Variants in PRDM16 observed in about 807,000 individuals in gnomAD.
The protein encoded by PRDM16 is PR/SET domain 16.
Under a neutral mutation model 110.6 loss-of-function variants are expected in PRDM16, and 23 were observed. The ratio of observed to expected loss-of-function variants is 0.21; its 90% CI spans 0.15 to 0.29. The LOEUF is 0.29. Among genes scored for constraint, PRDM16 ranks in the 10% least tolerant of loss-of-function variants. The probability of loss-of-function intolerance (pLI) is 1.00; values close to 1 mark genes in which losing one functional copy is unlikely to be tolerated. For missense variants in PRDM16, 1,615 were observed against 1,794.3 expected (o/e 0.90, Z 1.81); for synonymous variants, 799 against 781.8 (o/e 1.02, Z -0.37).
intron 3 of PRDM16, among the ~76,000 whole-genome samples, chr1:3,321,984 G>T (rs918886234): frequency 3.0e-4 from 46 of 151,814 alleles, no homozygotes; most frequent in Middle Eastern, 3.4e-3. Flanking sequence ...TTGTGTGGGG[G>T]TGCATGTGTG....
In PRDM16 at chr1:3,425,575, T is replaced by C. The variant is rs1410876735; in HGVS notation, c.2940-6T>C. On this transcript the variant is annotated splice_region_variant and splice_polypyrimidine_tract_variant and intron_variant, in intron 12 of 16. Transcript: ENST00000270722. This position sits in a 1 kb window ranked among gnomAD's most constrained non-coding sequence, Gnocchi z 6.9. ...CTGCACTGAGGAGCGCGTGTGCCCC[T>C]TCCAGGTGTAAGTACTGCGACCGCT... 1.2e-6 allele frequency: 2 copies of C among 1,613,366 alleles called. No homozygotes were observed. Among genetic ancestry groups the C allele is most frequent in the Non-Finnish European group, 8.5e-7 (1 of 1,179,740 alleles).
chr1:3,231,512 G>A (rs1639415480), intron 2 of PRDM16, among the ~76,000 whole-genome samples: 1 of 131,040 alleles, frequency 7.6e-6, no homozygotes, highest in South Asian at 2.3e-4. Flanking sequence ...GGGGATGCGG[G>A]GGTCGAGAGG....
chr1:3,159,838 C>A (rs144826835), intron 1 of PRDM16, among the ~76,000 whole-genome samples: 1 of 152,130 alleles, frequency 6.6e-6, no homozygotes, highest in African/African-American at 2.4e-5. Flanking sequence ...TGGGCTCAGG[C>A]GAAAGGAGTG....
intron 3 of PRDM16, among the ~76,000 whole-genome samples, chr1:3,263,872 T>C (rs1014661498): frequency 6.6e-6 from 1 of 152,200 alleles, no homozygotes; most frequent in African/African-American, 2.4e-5. Flanking sequence ...CACTCACTCC[T>C]TTGTTTCTGT....
chr1:3,146,773 GTGCACA>G (rs1643669482), intron 1 of PRDM16, among the ~76,000 whole-genome samples: 1 of 146,730 alleles, frequency 6.8e-6, no homozygotes, highest in African/African-American at 2.5e-5. Flanking sequence ...GGGGGTGTGT[GTGCACA>G]TGTGTGCTCG....
rs80134843 is a variant in PRDM16, at chr1:3,382,972, C to T, written c.439-2180C>T. Among the ~76,000 whole-genome samples the T allele has an allele frequency of 0.025, 3,874 of 152,328 alleles. 133 individuals are homozygous for T. Among genetic ancestry groups the T allele is most frequent in the African/African-American group, 0.087 (3,625 of 41,552 alleles). Reference sequence around the variant, plus strand: ...GTTTGTATATTGAGCATCCCCCCGCCGCCAATGTTTTCCTCGGGCTCCAGC... The same window carrying T: ...GTTTGTATATTGAGCATCCCCCCGCTGCCAATGTTTTCCTCGGGCTCCAGC... On this transcript the variant is annotated intron_variant, in intron 3 of 16. Coordinates refer to ENST00000270722, the MANE Select transcript of PRDM16 (RefSeq NM_022114.4). The surrounding 1 kb of genome is among the most constrained non-coding windows in gnomAD (Gnocchi z 6.6).
At position 3,306,172 on chromosome 1, in the gene PRDM16, C is replaced by T. The variant is rs189743502; in HGVS notation, c.438+62035C>T. ...GGGAGTTAGCCAAGGGCCATCAGGG[C>T]CACATGTCCTGACAGCAAAGAGATG... On this transcript the variant is annotated intron_variant, in intron 3 of 16. Coordinates refer to ENST00000270722, the MANE Select transcript of PRDM16 (RefSeq NM_022114.4). Among the ~76,000 whole-genome samples, 438 of 152,320 alleles carry T rather than the reference C, an allele frequency of 2.9e-3. 5 individuals carry two copies. Among genetic ancestry groups the T allele is most frequent in the African/African-American group, 9.8e-3 (407 of 41,570 alleles).
At chr1:3,309,651 T>C (rs891579674) in intron 3 of PRDM16, 4 of 152,298 alleles carry the variant, frequency 2.6e-5, no homozygotes, top group African/African-American at 9.6e-5. Context: ...GCTGTCCTTG[T>C]CCTGGTTGTT....
At chr1:3,216,557 C>G (rs1468181112) in intron 2 of PRDM16, among the ~76,000 whole-genome samples, 1 of 152,222 alleles carries the variant, frequency 6.6e-6, no homozygotes, top group Non-Finnish European at 1.5e-5. Flanking sequence ...CGAACCAGGC[C>G]TAGTTGTCAC....
At chr1:3,248,214 G>A (rs1459379002) in intron 3 of PRDM16, among the ~76,000 whole-genome samples, 1 of 152,184 alleles carries the variant, frequency 6.6e-6, no homozygotes, top group African/African-American at 2.4e-5. Flanking sequence ...TAACAAGAGT[G>A]TAGTCCACCC....
chr1:3,281,115 C>G (rs1640703457), intron 3 of PRDM16, among the ~76,000 whole-genome samples: 1 of 152,238 alleles, frequency 6.6e-6, no homozygotes, highest in African/African-American at 2.4e-5. Context: ...GCATTCTGGA[C>G]TGTCAAGAAG....
chr1:3,411,499 T>C lies in PRDM16; in HGVS notation c.1302T>C (p.Thr434=), dbSNP rs761350601. 7 of 1,614,196 alleles carry C rather than the reference T, an allele frequency of 4.3e-6. No homozygotes were observed. In the Admixed American group the frequency reaches 1.0e-4, roughly 23 times the overall value. ...KCKDCGQMFS[T]TSSLNKHRRF... is the part of the protein sequence containing the mutation. Reference sequence around the variant, plus strand: ...AGGACTGTGGCCAGATGTTCAGCACTACCTCCTCCCTCAACAAGCACCGGC... The same window carrying C: ...AGGACTGTGGCCAGATGTTCAGCACCACCTCCTCCCTCAACAAGCACCGGC... Residue 434 remains threonine, a synonymous_variant, in exon 9 of 17, where the codon ACT becomes ACC. Coordinates refer to ENST00000270722, the MANE Select transcript of PRDM16 (RefSeq NM_022114.4).
rs1643110845 is a variant in PRDM16 at position 3,382,021 on chromosome 1, G to C, written c.439-3131G>C. 6.6e-6 allele frequency among the ~76,000 whole-genome samples: 1 copy of C among 152,238 alleles called. No homozygotes were observed. Among genetic ancestry groups the C allele is most frequent in the Admixed American group, 6.5e-5 (1 of 15,288 alleles). On this transcript the variant is annotated intron_variant, in intron 3 of 16. Transcript: ENST00000270722. The surrounding 1 kb of genome is among the most constrained non-coding windows in gnomAD (Gnocchi z 6.6). ...GCCAGCCCAGCCTCGCTCCCTTCCT[G>C]TGGCAGAGGAAGATGGCAGGGCTGC...
At chr1:3,329,909 C>T (rs762585874) in intron 3 of PRDM16, among the ~76,000 whole-genome samples, 4 of 152,244 alleles carry the variant, frequency 2.6e-5, no homozygotes, top group Non-Finnish European at 4.4e-5. Flanking sequence ...AGCCGAGTCC[C>T]GCCAGCTGGG....
chr1:3,163,620 A>T (rs1342990652), intron 1 of PRDM16, among the ~76,000 whole-genome samples: 1 of 152,174 alleles, frequency 6.6e-6, no homozygotes, highest in East Asian at 1.9e-4. Flanking sequence ...GAAGTCTGGG[A>T]TCAGCTGTGG....
chr1:3,286,370 G>A (rs141428833), intron 3 of PRDM16, among the ~76,000 whole-genome samples: 133 of 152,330 alleles, frequency 8.7e-4, no homozygotes, highest in African/African-American at 3.1e-3. Flanking sequence ...GCCGCCCCCT[G>A]CCTGGCAGAG....
chr1:3,113,687 G>T (rs1387738105), intron 1 of PRDM16, among the ~76,000 whole-genome samples: 2 of 152,206 alleles, frequency 1.3e-5, no homozygotes, highest in African/African-American at 4.8e-5. Context: ...GACCAGGGTG[G>T]CTCCCCCTCA....
intron 3 of PRDM16, among the ~76,000 whole-genome samples, chr1:3,346,227 G>A (rs1210347912): frequency 2.0e-5 from 3 of 152,260 alleles, no homozygotes; most frequent in African/African-American, 4.8e-5. Flanking sequence ...TGTTTCTCCC[G>A]TTGGCCCTGC....
chr1:3,160,303 C>T (rs1394634923), intron 1 of PRDM16, among the ~76,000 whole-genome samples: 1 of 152,122 alleles, frequency 6.6e-6, no homozygotes, highest in Admixed American at 6.5e-5. Flanking sequence ...TCATTTGCGC[C>T]TCCAGTATGA....
Sources: allele counts gnomAD v4.1 joint callset (sites outside exome capture counted in the v4.1 genomes callset), GRCh38; gene constraint gnomAD v4.1.1; non-coding constraint Gnocchi (gnomAD v3.1); transcripts MANE v1.5; gene names NCBI Gene and HGNC (gene_info 2026-07-23, HGNC 2026-07-21).